Variants in PARD3 observed in about 807,000 individuals in gnomAD.
PARD3 encodes the protein partitioning defective 3 homolog.
PARD3 carries 75 observed loss-of-function variants against 155.4 expected under a neutral mutation model. The observed-to-expected ratio is 0.48, with a 90% confidence interval of 0.40 to 0.58. The LOEUF is 0.58. PARD3 is among the 20% of genes least tolerant of loss of function. PARD3 has a pLI of 0.00. For missense variants in PARD3, 1,642 were observed against 1,721.7 expected, an observed-to-expected ratio of 0.95 and a Z score of 0.82; for synonymous variants, 576 against 610.5, an observed-to-expected ratio of 0.94 and a Z score of 0.83.
chr10:34,290,304 G>A (rs539472843), intron 20 of PARD3, among the ~76,000 whole-genome samples: 9 of 152,178 alleles, frequency 5.9e-5, no homozygotes, highest in Admixed American at 2.6e-4. Flanking sequence ...CAGAATATCC[G>A]GAACCAATTA....
At chr10:34,794,732 T>C (rs1842062672) in intron 1 of PARD3, among the ~76,000 whole-genome samples, 1 of 152,356 alleles carries the variant, frequency 6.6e-6, no homozygotes, top group South Asian at 2.1e-4. Flanking sequence ...TTTGGGCTCA[T>C]GAAATATGAA....
intron 22 of PARD3, among the ~76,000 whole-genome samples, chr10:34,167,919 C>T (rs900165718): frequency 1.3e-5 from 2 of 152,088 alleles, no homozygotes; most frequent in Admixed American, 6.5e-5. Context: ...CCTATGTCCC[C>T]AAATCATGGA....
intron 2 of PARD3, among the ~76,000 whole-genome samples, chr10:34,547,034 A>C (rs1447796648): frequency 6.6e-6 from 1 of 152,252 alleles, no homozygotes; most frequent in Non-Finnish European, 1.5e-5. Context: ...TTAGTTTCTC[A>C]ATGTTTGATA....
chr10:34,516,872 A>T, intron 3 of PARD3, 107 bp downstream of exon 3: 1 of 1,121,928 alleles, frequency 8.9e-7, no homozygotes, highest in South Asian at 1.6e-5. Flanking sequence ...TTAATTTTTG[A>T]ATAAAACAGA....
intron 2 of PARD3, among the ~76,000 whole-genome samples, chr10:34,635,382 G>A (rs1349397305): frequency 6.6e-6 from 1 of 152,268 alleles, no homozygotes. Flanking sequence ...CCTAGAGCCA[G>A]AGAGTGTGCA....
chr10:34,557,937 CAAAA>C (rs1302011181), intron 2 of PARD3, among the ~76,000 whole-genome samples: 9 of 73,030 alleles, frequency 1.2e-4, no homozygotes, highest in Admixed American at 3.1e-4. Flanking sequence ...GACCCTGACT[CAAAA>C]AAAAAAAAAA....
At chr10:34,330,495 CAAAAAAAGA>C (rs1214225484) in intron 19 of PARD3, among the ~76,000 whole-genome samples, 1 of 148,470 alleles carries the variant, frequency 6.7e-6, no homozygotes, top group Non-Finnish European at 1.5e-5. Flanking sequence ...TTCCTGAAAG[CAAAAAAAGA>C]AAAAAAAAAT....
intron 20 of PARD3, among the ~76,000 whole-genome samples, chr10:34,290,738 G>GA (rs1956638002): frequency 1.3e-5 from 2 of 152,138 alleles, no homozygotes; most frequent in Non-Finnish European, 2.9e-5. Flanking sequence ...TGAAGACCAT[G>GA]TGTTTGTACA....
chr10:34,492,369 A>T (rs1362375275), intron 3 of PARD3, among the ~76,000 whole-genome samples: 1 of 152,162 alleles, frequency 6.6e-6, no homozygotes, highest in Non-Finnish European at 1.5e-5. Context: ...AAACAGAACA[A>T]GGCTGTCCAC....
At chr10:34,572,064 A>C (rs1365274792) in intron 2 of PARD3, among the ~76,000 whole-genome samples, 1 of 152,248 alleles carries the variant, frequency 6.6e-6, no homozygotes, top group Admixed American at 6.5e-5. Flanking sequence ...GGAACTATGA[A>C]TTACTAGATC....
chr10:34,510,555 C>G (rs2081344387), intron 3 of PARD3, among the ~76,000 whole-genome samples: 1 of 151,802 alleles, frequency 6.6e-6, no homozygotes, highest in Non-Finnish European at 1.5e-5. Flanking sequence ...ATAAGATGAC[C>G]AATAAAAATA....
intron 23 of PARD3, among the ~76,000 whole-genome samples, chr10:34,129,643 T>C (rs989018058): frequency 1.9e-4 from 29 of 151,280 alleles, no homozygotes; most frequent in African/African-American, 5.6e-4. Flanking sequence ...ACCTCTCAGC[T>C]GGGTAGTTTA....
At chr10:34,355,958 C>CAAAAAAAAAGAA (rs1491326864) in intron 14 of PARD3, among the ~76,000 whole-genome samples, 1 of 116,198 alleles carries the variant, frequency 8.6e-6, no homozygotes, top group African/African-American at 4.6e-5. Flanking sequence ...AAAACAAAAC[C>CAAAAAAAAAGAA]AAACAAAAAA....
At chr10:34,810,589 C>T (rs888795866) in intron 1 of PARD3, among the ~76,000 whole-genome samples, 3 of 152,194 alleles carry the variant, frequency 2.0e-5, no homozygotes, top group Non-Finnish European at 4.4e-5. Context: ...GATTGTGGTG[C>T]TGCACGTCAT....
At chr10:34,626,348 T>TC (rs1436043072) in intron 2 of PARD3, among the ~76,000 whole-genome samples, 1 of 152,132 alleles carries the variant, frequency 6.6e-6, no homozygotes, top group Non-Finnish European at 1.5e-5. Flanking sequence ...ACTTTCTCTC[T>TC]CCCCCCTCCT....
At chr10:34,658,370 A>G (rs548232501) in intron 2 of PARD3, among the ~76,000 whole-genome samples, 3 of 152,298 alleles carry the variant, frequency 2.0e-5, no homozygotes, top group Non-Finnish European at 4.4e-5. Flanking sequence ...AAAACAAATC[A>G]CAAAACAAAT....
At chr10:34,132,894 T>C (rs769267052) in intron 22 of PARD3, among the ~76,000 whole-genome samples, 2 of 151,796 alleles carry the variant, frequency 1.3e-5, no homozygotes, top group African/African-American at 2.4e-5. Flanking sequence ...GGCAGAATGG[T>C]GCGGCAGAGA....
chr10:34,655,304 T>C (rs1169518517), intron 2 of PARD3, among the ~76,000 whole-genome samples: 1 of 152,158 alleles, frequency 6.6e-6, no homozygotes, highest in Non-Finnish European at 1.5e-5. Flanking sequence ...TTTAGCTTTT[T>C]TCACAATGCA....
intron 2 of PARD3, among the ~76,000 whole-genome samples, chr10:34,549,399 CT>C (rs951712454): frequency 1.3e-5 from 2 of 152,322 alleles, no homozygotes; most frequent in Admixed American, 6.5e-5. Context: ...CCTGTTTTCA[CT>C]TTACAGAGAT....
Sources: allele counts gnomAD v4.1 joint callset (sites outside exome capture counted in the v4.1 genomes callset), GRCh38; gene constraint gnomAD v4.1.1; transcripts MANE v1.5; gene names NCBI Gene and HGNC (gene_info 2026-07-23, HGNC 2026-07-21).